PTPRN2: variants seen among roughly 807,000 people sequenced by gnomAD.
The protein encoded by PTPRN2 is protein tyrosine phosphatase receptor type N2, also known as receptor-type tyrosine-protein phosphatase N2.
PTPRN2 carries 74 observed loss-of-function variants against 118.8 expected under a neutral mutation model. The observed-to-expected ratio is 0.62, with a 90% CI of 0.52 to 0.76. The LOEUF (loss-of-function observed/expected upper bound fraction) is 0.76. PTPRN2 is among the 30% of genes least tolerant of loss of function. The pLI is 0.00. For synonymous variants in PTPRN2, 641 were observed against 608.0 expected (o/e 1.05, Z -0.80); for missense variants, 1,481 against 1,394.4 (o/e 1.06, Z -0.99).
intron 12 of PTPRN2, among the ~76,000 whole-genome samples, chr7:157,872,024 A>G: frequency 7.4e-6 from 1 of 135,886 alleles, no homozygotes; most frequent in East Asian, 2.2e-4. Context: ...TCCTCCCCAC[A>G]CACACATACC....
chr7:158,227,775 T>C (rs1203016788), intron 3 of PTPRN2, among the ~76,000 whole-genome samples: 1 of 152,128 alleles, frequency 6.6e-6, no homozygotes, highest in Non-Finnish European at 1.5e-5. Flanking sequence ...GAGGAAACAC[T>C]CCTTAAGAAG....
intron 12 of PTPRN2, among the ~76,000 whole-genome samples, chr7:157,829,029 C>A (rs1807374154): frequency 6.6e-6 from 1 of 152,256 alleles, no homozygotes; most frequent in Non-Finnish European, 1.5e-5. Flanking sequence ...ATTTGAATTT[C>A]AAATGCACTT....
At chr7:158,393,635 T>C (rs552788631) in intron 2 of PTPRN2, among the ~76,000 whole-genome samples, 1 of 152,306 alleles carries the variant, frequency 6.6e-6, no homozygotes, top group Non-Finnish European at 1.5e-5. Context: ...TTCAGCGTCA[T>C]TTTCATCAGA....
At chr7:158,322,002 G>C (rs561450602) in intron 2 of PTPRN2, among the ~76,000 whole-genome samples, 2 of 152,288 alleles carry the variant, frequency 1.3e-5, no homozygotes, top group Non-Finnish European at 2.9e-5. Flanking sequence ...CCTCGATGAC[G>C]GCTTCGTGCC....
Position 157,615,772 on chromosome 7 carries a change from G to C in PTPRN2, c.2344+5590C>G. ...GGCTGAACGAGAATCGGTTACAGGA[G>C]ATGAACACAAGGCTCGATTCTCCTG... On this transcript the variant is annotated intron_variant, in intron 15 of 22. Transcript: ENST00000389418. The surrounding 1 kb of genome is among the most constrained non-coding windows in gnomAD (Gnocchi z 4.3). The C allele has an allele frequency of 2.7e-6, 1 of 375,070 alleles. No individual in the cohort carries two copies. The highest frequency in any genetic ancestry group is 7.3e-5 in the East Asian group (1 of 13,632). The allele number at this position is 375,070 out of a possible 1,614,324, so 23.2% of individuals were successfully genotyped here.
intron 12 of PTPRN2, among the ~76,000 whole-genome samples, chr7:157,837,870 C>T (rs367964133): frequency 2.0e-5 from 3 of 152,276 alleles, no homozygotes; most frequent in East Asian, 3.8e-4. Context: ...GCATAGGACA[C>T]ACAAGTGACT....
intron 1 of PTPRN2, among the ~76,000 whole-genome samples, chr7:158,545,236 G>A (rs988212376): frequency 2.0e-5 from 3 of 152,194 alleles, no homozygotes; most frequent in African/African-American, 7.2e-5. Context: ...TCTGAGAAAA[G>A]CACAAATAAC....
At chr7:157,865,320 G>C (rs141858364) in intron 12 of PTPRN2, 1 of 152,218 alleles carries the variant, frequency 6.6e-6, no homozygotes, top group South Asian at 2.1e-4. Flanking sequence ...CATCCCACTG[G>C]TTCATGTCCA....
chr7:158,330,592 A>G (rs367818913), intron 2 of PTPRN2, among the ~76,000 whole-genome samples: 1 of 72,114 alleles, frequency 1.4e-5, no homozygotes, highest in East Asian at 4.0e-4. Flanking sequence ...TGACATCTGC[A>G]GACGTCACTC....
At chr7:158,033,428 G>A (rs56774282) in intron 11 of PTPRN2, among the ~76,000 whole-genome samples, 4,112 of 152,272 alleles carry the variant, frequency 0.027, 191 homozygotes, top group African/African-American at 0.095. Context: ...CCTGAGTCAC[G>A]GGAGTGAGGT....
chr7:158,119,016 A>G (rs961910952), intron 9 of PTPRN2, among the ~76,000 whole-genome samples: 1 of 152,210 alleles, frequency 6.6e-6, no homozygotes, highest in Non-Finnish European at 1.5e-5. Context: ...TCTTCTTTTA[A>G]TATAAGAGAT....
chr7:158,560,447 T>G (rs955684617), intron 1 of PTPRN2, among the ~76,000 whole-genome samples: 18 of 152,264 alleles, frequency 1.2e-4, no homozygotes, highest in Non-Finnish European at 2.2e-4. Context: ...AATGGGGGGT[T>G]TGCTTATTTT....
intron 11 of PTPRN2, among the ~76,000 whole-genome samples, chr7:157,916,726 G>C (rs1798419853): frequency 6.6e-6 from 1 of 151,020 alleles, no homozygotes; most frequent in African/African-American, 2.5e-5. Context: ...CCGGCTGAAG[G>C]TCCCCACCAT....
intron 10 of PTPRN2, among the ~76,000 whole-genome samples, chr7:158,084,883 C>T (rs1216294156): frequency 6.9e-6 from 1 of 144,028 alleles, no homozygotes; most frequent in East Asian, 2.2e-4. Context: ...ACCCATGATG[C>T]CCATCCACAT....
At chr7:157,746,288 C>A (rs565335575) in intron 12 of PTPRN2, among the ~76,000 whole-genome samples, 37 of 151,222 alleles carry the variant, frequency 2.4e-4, no homozygotes, top group Middle Eastern at 3.5e-3. Flanking sequence ...AGATCATGGG[C>A]CTCCCCTAGA....
chr7:157,545,133 G>C lies in PTPRN2; in HGVS notation c.2976+3813C>G, dbSNP rs565585808. The stretch of plus-strand genomic sequence containing the variant: ...GTAGGTGTGTGTGGGGTGTATGCAT[G>C]GGTGTGTGCAGGTGTGTGGGTGTGT... On this transcript the variant is annotated intron_variant, in intron 22 of 22. Transcript: ENST00000389418. Among the ~76,000 whole-genome samples, 6 of 150,588 alleles carry C rather than the reference G, an allele frequency of 4.0e-5. No individual in the cohort carries two copies. In the South Asian group the frequency reaches 1.3e-3, roughly 32 times the overall value.
intron 3 of PTPRN2, among the ~76,000 whole-genome samples, chr7:158,259,366 A>C (rs1268068173): frequency 6.6e-6 from 1 of 152,144 alleles, no homozygotes; most frequent in African/African-American, 2.4e-5. Context: ...CCTTCCGGGC[A>C]GGGCAAGCGG....
chr7:158,125,199 C>A (rs1016246569), intron 9 of PTPRN2, among the ~76,000 whole-genome samples: 1 of 150,586 alleles, frequency 6.6e-6, no homozygotes, highest in Non-Finnish European at 1.5e-5. Flanking sequence ...CCCAGGGCCA[C>A]CTCCCTGCCT....
chr7:158,032,778 G>A (rs1396186756), intron 11 of PTPRN2, among the ~76,000 whole-genome samples: 3 of 152,182 alleles, frequency 2.0e-5, no homozygotes, highest in Admixed American at 6.5e-5. Context: ...GACATGAGCA[G>A]AGTAAACCCA....
Sources: gnomAD v4.1 joint callset for allele counts (sites outside exome capture counted in the v4.1 genomes callset) on GRCh38, gnomAD v4.1.1 for gene constraint, Gnocchi (gnomAD v3.1) non-coding constraint, MANE v1.5 for transcripts, NCBI Gene and HGNC (gene_info 2026-07-23, HGNC 2026-07-21) for gene names.